Variants in CRTAC1 observed in about 807,000 individuals in gnomAD.
The protein encoded by CRTAC1 is acidic secreted protein in cartilage.
A neutral mutation model predicts 67.8 loss-of-function variants in CRTAC1; 37 were observed. The observed-to-expected ratio is 0.55, with a 90% confidence interval of 0.42 to 0.72. The LOEUF (loss-of-function observed/expected upper bound fraction) is 0.72, where lower values mean the gene tolerates loss of function less well. CRTAC1 is among the 30% of genes least tolerant of loss of function. CRTAC1 has a pLI of 0.00. For missense variants in CRTAC1, 780 were observed against 931.6 expected (o/e 0.84, Z 2.12); for synonymous variants, 348 against 371.0 (o/e 0.94, Z 0.71).
At position 97,936,156 on chromosome 10, in the gene CRTAC1, G is replaced by A; in HGVS notation, c.421+14C>T. 1 of 1,585,440 alleles carries A rather than the reference G, an allele frequency of 6.3e-7. No individual in the cohort carries two copies. The highest frequency in any genetic ancestry group is 8.6e-7 in the Non-Finnish European group (1 of 1,160,514). ...AGATGGGAAGCAGGAAGAGGCCTGA[G>A]CCCCAGCCCTTACCCGAGAAGGCAT... On this transcript the variant is annotated intron_variant, in intron 3 of 14. Coordinates refer to ENST00000370597, the MANE Select transcript of CRTAC1 (RefSeq NM_018058.7).
At chr10:97,990,381 T>C (rs1289984042) in intron 2 of CRTAC1, among the ~76,000 whole-genome samples, 1 of 152,226 alleles carries the variant, frequency 6.6e-6, no homozygotes, top group Admixed American at 6.5e-5. Flanking sequence ...CTTTAATATG[T>C]TTAATTATTT....
At chr10:97,950,106 C>A (rs1032729526) in intron 2 of CRTAC1, among the ~76,000 whole-genome samples, 1 of 152,084 alleles carries the variant, frequency 6.6e-6, no homozygotes, top group African/African-American at 2.4e-5. Context: ...ATAAAGGAAC[C>A]TGCATATATT....
chr10:97,969,060 G>A (rs1027806511), intron 2 of CRTAC1, among the ~76,000 whole-genome samples: 17 of 152,144 alleles, frequency 1.1e-4, no homozygotes, highest in African/African-American at 3.6e-4. Flanking sequence ...TCCCCCCCAT[G>A]TCAAAAGTGC....
chr10:98,002,125 C>T (rs773810393), intron 2 of CRTAC1, among the ~76,000 whole-genome samples: 31 of 152,084 alleles, frequency 2.0e-4, no homozygotes, highest in East Asian at 1.9e-4. Flanking sequence ...GCCAGCCCAC[C>T]GCTTAAAAAA....
intron 2 of CRTAC1, among the ~76,000 whole-genome samples, chr10:97,969,518 T>G (rs2051673646): frequency 1.3e-5 from 2 of 152,214 alleles, no homozygotes; most frequent in African/African-American, 4.8e-5. Context: ...GTGCTTTGCT[T>G]GTTGATGATG....
rs1405024885 is a variant in CRTAC1 at position 97,907,870 on chromosome 10, T to G, written c.850+143A>C. The G allele has an allele frequency of 4.9e-6, 4 of 817,184 alleles. No individual in the cohort carries two copies. In the African/African-American group the frequency reaches 6.9e-5, roughly 14 times the overall value. The allele number at this position is 817,184 out of a possible 1,614,324, so 50.6% of individuals were successfully genotyped here. A position where few individuals can be genotyped will look rare whatever the true frequency, so the allele number is the denominator to read the frequency against. On this transcript the variant is annotated intron_variant, in intron 6 of 14. Transcript: ENST00000370597. ...AGGAATAGGAAGTGACAAGCAGCGT[T>G]TCTCTGTGTGGTGCAGACGATGACT...
chr10:97,920,803 A>C (rs1208463363), intron 4 of CRTAC1, among the ~76,000 whole-genome samples: 1 of 152,262 alleles, frequency 6.6e-6, no homozygotes, highest in Non-Finnish European at 1.5e-5. Flanking sequence ...AGATGAAATG[A>C]GACAATGTAT....
At chr10:98,014,153 A>G (rs1842955389) in intron 1 of CRTAC1, among the ~76,000 whole-genome samples, 1 of 152,184 alleles carries the variant, frequency 6.6e-6, no homozygotes, top group African/African-American at 2.4e-5. Flanking sequence ...GTTCAGATAA[A>G]GGAAATCATT....
chr10:98,027,088 AC>A (rs1389960473), intron 1 of CRTAC1, among the ~76,000 whole-genome samples: 1 of 150,886 alleles, frequency 6.6e-6, no homozygotes, highest in Non-Finnish European at 1.5e-5. Context: ...AATGGCGTGA[AC>A]CCGGGAGGCG....
chr10:97,903,496 A>G (rs566544519), intron 7 of CRTAC1, among the ~76,000 whole-genome samples: 2 of 151,842 alleles, frequency 1.3e-5, no homozygotes, highest in African/African-American at 4.8e-5. Context: ...AAGCCTTAGC[A>G]GGGAGGGAGT....
Position 98,011,190 on chromosome 10 carries a change from C to G in CRTAC1, c.172G>C (p.Val58Leu). ...TCATGGTCCACATCAGTAACTGCCA[C>G]ACCATAGTTGAGCTGGGTGGGATTA... ...DSNPTQLNYG[V>L]AVTDVDHDGD... The change falls in exon 2 of 15, where the codon GTG becomes CTG. Residue 58 changes from valine (V) to leucine (L), a missense_variant. By Grantham distance (32) the Val-to-Leu change is conservative (BLOSUM62 1). Coordinates refer to ENST00000370597, the MANE Select transcript of CRTAC1 (RefSeq NM_018058.7). The G allele has an allele frequency of 6.2e-7, 1 of 1,614,246 alleles. No individual in the cohort carries two copies. Among genetic ancestry groups the G allele is most frequent in the Non-Finnish European group, 8.5e-7 (1 of 1,180,048 alleles).
rs115889431 is a variant in CRTAC1, at chr10:97,982,927, C to A, written c.224+28211G>T. 3.9e-3 allele frequency among the ~76,000 whole-genome samples: 598 copies of A among 152,246 alleles called. 2 individuals carry two copies. The highest frequency in any genetic ancestry group is 0.014 in the African/African-American group (567 of 41,538). On this transcript the variant is annotated intron_variant, in intron 2 of 14. Coordinates refer to ENST00000370597, the MANE Select transcript of CRTAC1 (RefSeq NM_018058.7). ...CAGCTTTTTAATTTTTTTAAACAAACAACTTTTGACGAGCAAAAGCCAACA... is the reference window on the plus strand; with the variant it reads ...CAGCTTTTTAATTTTTTTAAACAAAAAACTTTTGACGAGCAAAAGCCAACA...
rs185251891 is a variant in CRTAC1 at position 97,991,323 on chromosome 10, G to T, written c.224+19815C>A. On this transcript the variant is annotated intron_variant, in intron 2 of 14. Coordinates refer to ENST00000370597, the MANE Select transcript of CRTAC1 (RefSeq NM_018058.7). ...AGCTACTTGGGAGGCTGAGGAGAAA[G>T]AATCACTTAAACCCAGGAGTCGGAG... Among the ~76,000 whole-genome samples the T allele has an allele frequency of 6.7e-3, 1,012 of 151,672 alleles. 6 individuals carry two copies. The highest frequency in any genetic ancestry group is 0.011 in the Non-Finnish European group (739 of 67,896).
chr10:97,976,598 C>T (rs558863854), intron 2 of CRTAC1, among the ~76,000 whole-genome samples: 1 of 152,314 alleles, frequency 6.6e-6, no homozygotes, highest in South Asian at 2.1e-4. Flanking sequence ...TTTAGTTTTA[C>T]TAAAAATGCT....
At chr10:97,911,900 A>T (rs571657172) in intron 5 of CRTAC1, among the ~76,000 whole-genome samples, 2 of 152,294 alleles carry the variant, frequency 1.3e-5, no homozygotes, top group Admixed American at 1.3e-4. Context: ...TTGGAGAATG[A>T]TGTTCTAACA....
intron 5 of CRTAC1, among the ~76,000 whole-genome samples, chr10:97,914,366 A>G (rs894376): frequency 0.78 from 119,054 of 152,174 alleles, 46,748 homozygotes; most frequent in East Asian, 0.92. Context: ...CTCAGAGTGG[A>G]AGGTGTTGGT....
intron 2 of CRTAC1, among the ~76,000 whole-genome samples, chr10:97,967,004 C>CCG (rs1554928224): frequency 6.7e-6 from 1 of 149,984 alleles, no homozygotes; most frequent in African/African-American, 2.5e-5. Context: ...CCCCCCCCCC[C>CCG]CCGACATCCT....
chr10:97,883,907 AGCCTTGGTGG>A (rs1554911998), intron 12 of CRTAC1, among the ~76,000 whole-genome samples: 1 of 152,232 alleles, frequency 6.6e-6, no homozygotes, highest in Non-Finnish European at 1.5e-5. Flanking sequence ...CTGGCTGTAC[AGCCTTGGTGG>A]GCCTTGGTGG....
At chr10:97,958,051 G>A (rs941702058) in intron 2 of CRTAC1, among the ~76,000 whole-genome samples, 3 of 152,100 alleles carry the variant, frequency 2.0e-5, no homozygotes, top group Admixed American at 6.5e-5. Context: ...CCCACATCTC[G>A]TTTGCTGGCT....
Sources: allele counts gnomAD v4.1 joint callset (sites outside exome capture counted in the v4.1 genomes callset), GRCh38; gene constraint gnomAD v4.1.1; transcripts MANE v1.5; gene names NCBI Gene and HGNC (gene_info 2026-07-23, HGNC 2026-07-21).